SGCZ: variants seen among roughly 807,000 people sequenced by gnomAD.
SGCZ encodes zeta-sarcoglycan.
SGCZ carries 40 observed loss-of-function variants against 41.3 expected under a neutral mutation model. The observed-to-expected ratio is 0.97, with a 90% CI of 0.75 to 1.26. The LOEUF is 1.26. Ranked by LOEUF, SGCZ falls within the 50% of genes most tolerant of loss-of-function variation. The pLI, the probability that SGCZ is intolerant of heterozygous loss-of-function variation, is 0.00. For synonymous variants in SGCZ, 206 were observed against 137.5 expected (o/e 1.50, Z -3.49); for missense variants, 552 against 369.8 (o/e 1.49, Z -4.04).
At chr8:14,689,754 A>G (rs1315636668) in intron 1 of SGCZ, among the ~76,000 whole-genome samples, 1 of 152,156 alleles carries the variant, frequency 6.6e-6, no homozygotes, top group African/African-American at 2.4e-5. Context: ...GTTCTTCCAG[A>G]TAGAGGCAGT....
chr8:15,069,295 A>C (rs117798106), intron 1 of SGCZ, among the ~76,000 whole-genome samples: 1 of 152,090 alleles, frequency 6.6e-6, no homozygotes, highest in Non-Finnish European at 1.5e-5. Flanking sequence ...CAGTCTCCCA[A>C]AGTGCTAGGA....
chr8:14,738,220 T>C (rs1231502085), intron 1 of SGCZ, among the ~76,000 whole-genome samples: 1 of 152,042 alleles, frequency 6.6e-6, no homozygotes, highest in African/African-American at 2.4e-5. Context: ...TTTATCTTCT[T>C]TCTAAGGGGG....
intron 2 of SGCZ, among the ~76,000 whole-genome samples, chr8:14,391,091 G>C (rs1012725176): frequency 6.6e-5 from 10 of 152,004 alleles, no homozygotes; most frequent in Non-Finnish European, 1.5e-4. Context: ...TAAGTCTCTA[G>C]GGCTAAAGCA....
intron 1 of SGCZ, among the ~76,000 whole-genome samples, chr8:15,205,651 T>C (rs1410391325): frequency 6.6e-6 from 1 of 152,162 alleles, no homozygotes; most frequent in Non-Finnish European, 1.5e-5. Flanking sequence ...TATACACTGA[T>C]ACACTGTTGG....
chr8:14,482,062 C>A (rs1349857217), intron 2 of SGCZ, among the ~76,000 whole-genome samples: 1 of 152,048 alleles, frequency 6.6e-6, no homozygotes. Context: ...GAGGACTAAG[C>A]GAGTATCTTA....
intron 2 of SGCZ, among the ~76,000 whole-genome samples, chr8:14,483,375 G>A (rs776595476): frequency 1.3e-5 from 2 of 152,154 alleles, no homozygotes; most frequent in African/African-American, 4.8e-5. Context: ...TTTGTGACCA[G>A]CCTGAGCAAT....
At chr8:14,572,980 G>C (rs1248836752) in intron 1 of SGCZ, among the ~76,000 whole-genome samples, 6 of 152,028 alleles carry the variant, frequency 3.9e-5, no homozygotes, top group African/African-American at 7.2e-5. Flanking sequence ...ATAATACACT[G>C]TCTCTAATGT....
chr8:14,266,154 T>A (rs1420902149), intron 3 of SGCZ, among the ~76,000 whole-genome samples: 1 of 152,068 alleles, frequency 6.6e-6, no homozygotes, highest in Admixed American at 6.5e-5. Context: ...TCAATCCCAA[T>A]AAGTCTGTCT....
chr8:14,229,377 C>G (rs1355309744), intron 4 of SGCZ, among the ~76,000 whole-genome samples: 4 of 151,998 alleles, frequency 2.6e-5, no homozygotes, highest in Admixed American at 2.6e-4. Context: ...ACTGAGAGCT[C>G]TAATTTCTAA....
chr8:14,332,968 G>T lies in SGCZ; in HGVS notation c.235-8764C>A, dbSNP rs1194218533. Among the ~76,000 whole-genome samples the T allele has an allele frequency of 2.0e-5, 3 of 150,478 alleles. No individual in the cohort carries two copies. In the South Asian group the frequency reaches 6.3e-4, roughly 31 times the overall value. ...GTATATATATAAAATGTTCACATAC[G>T]AAATGGAGAACGGACCATAGCTATT... On this transcript the variant is annotated intron_variant, in intron 2 of 7. Coordinates refer to ENST00000382080, the MANE Select transcript of SGCZ (RefSeq NM_139167.4).
At chr8:14,259,348 C>T (rs1799572176) in intron 3 of SGCZ, among the ~76,000 whole-genome samples, 1 of 151,782 alleles carries the variant, frequency 6.6e-6, no homozygotes, top group Non-Finnish European at 1.5e-5. Flanking sequence ...TCTTTTGTTG[C>T]CATTGCTTTT....
intron 4 of SGCZ, among the ~76,000 whole-genome samples, chr8:14,188,572 G>T (rs562858768): frequency 6.6e-6 from 1 of 152,102 alleles, no homozygotes; most frequent in Non-Finnish European, 1.5e-5. Flanking sequence ...GAGAGCGAAA[G>T]GGTTCAGAGT....
intron 2 of SGCZ, among the ~76,000 whole-genome samples, chr8:14,436,386 A>G (rs1399210957): frequency 6.6e-6 from 1 of 152,160 alleles, no homozygotes; most frequent in Non-Finnish European, 1.5e-5. Context: ...TTTTTTTCTG[A>G]GTTAGCAATC....
chr8:15,065,426 T>TTAC (rs1242232579), intron 1 of SGCZ, among the ~76,000 whole-genome samples: 3 of 102,522 alleles, frequency 2.9e-5, no homozygotes, highest in African/African-American at 1.3e-4. Context: ...ATTATTATTA[T>TTAC]TATTATTATT....
Position 14,764,012 on chromosome 8 carries a change from A to T in SGCZ, c.40-209086T>A, listed in dbSNP as rs555052948. ...GAGTTTCTAAATGCTATTCCCTATC[A>T]AGTTCCTTGGAGAAATGGCTGATGC... On this transcript the variant is annotated intron_variant, in intron 1 of 7. Transcript: ENST00000382080. Among the ~76,000 whole-genome samples, 6 of 152,306 alleles carry T rather than the reference A, an allele frequency of 3.9e-5. No homozygotes were observed. The South Asian group carries it at 8.3e-4, about 21-fold the overall frequency.
At chr8:14,808,664 C>T (rs1298775123) in intron 1 of SGCZ, among the ~76,000 whole-genome samples, 1 of 152,118 alleles carries the variant, frequency 6.6e-6, no homozygotes, top group African/African-American at 2.4e-5. Flanking sequence ...TTGTGGAAGT[C>T]AGTGTGGCGA....
In SGCZ at chr8:14,705,882, T is replaced by C. The variant is rs1045431670; in HGVS notation, c.40-150956A>G. Among the ~76,000 whole-genome samples, 11 of 152,190 alleles carry C rather than the reference T, an allele frequency of 7.2e-5. No individual in the cohort carries two copies. The East Asian group carries it at 2.1e-3, about 29-fold the overall frequency. ...CTTTCTGAACACGAATCACTATATT[T>C]TTAGAGAAAGTCTCTCTTCCCCACC... On this transcript the variant is annotated intron_variant, in intron 1 of 7. Transcript: ENST00000382080.
At chr8:14,922,121 C>G (rs572280575) in intron 1 of SGCZ, among the ~76,000 whole-genome samples, 2 of 151,900 alleles carry the variant, frequency 1.3e-5, no homozygotes, top group Non-Finnish European at 2.9e-5. Flanking sequence ...TTCAAATATC[C>G]CTTAGTCAGC....
intron 3 of SGCZ, among the ~76,000 whole-genome samples, chr8:14,239,273 ACACAC>A (rs1806885741): frequency 6.6e-6 from 1 of 151,770 alleles, no homozygotes; most frequent in Non-Finnish European, 1.5e-5. Context: ...ACACACACAC[ACACAC>A]ACACACAAAT....
Sources: allele counts gnomAD v4.1 joint callset (sites outside exome capture counted in the v4.1 genomes callset), GRCh38; gene constraint gnomAD v4.1.1; transcripts MANE v1.5; gene names NCBI Gene and HGNC (gene_info 2026-07-23, HGNC 2026-07-21).